The following RASGRF2 variants were observed in gnomAD, a reference collection of about 807,000 sequenced individuals.
The protein encoded by RASGRF2 is ras-specific guanine nucleotide-releasing factor 2.
RASGRF2 carries 76 observed loss-of-function variants against 151.0 expected under a neutral mutation model. The observed-to-expected ratio is 0.50, with a 90% CI of 0.42 to 0.61. The LOEUF is 0.61. Among genes scored for constraint, RASGRF2 ranks in the 20% least tolerant of loss-of-function variants. The pLI is 0.00. For synonymous variants in RASGRF2, 504 were observed against 566.5 expected, an observed-to-expected ratio of 0.89 and a Z score of 1.57; for missense variants, 1,148 against 1,564.6, an observed-to-expected ratio of 0.73 and a Z score of 4.49.
At chr5:81,154,341 C>T (rs866056288) in intron 17 of RASGRF2, among the ~76,000 whole-genome samples, 3 of 152,076 alleles carry the variant, frequency 2.0e-5, no homozygotes, top group African/African-American at 7.2e-5. Context: ...ATCTTGAACT[C>T]CTGGGCTCAA....
At chr5:81,001,362 A>G (rs570858) in intron 1 of RASGRF2, among the ~76,000 whole-genome samples, 129,534 of 152,094 alleles carry the variant, frequency 0.85, 55,538 homozygotes, top group Middle Eastern at 0.93. Context: ...TTGAGTTCAC[A>G]ACAGGCCTGT....
intron 5 of RASGRF2, among the ~76,000 whole-genome samples, chr5:81,074,486 A>G (rs1751878456): frequency 6.6e-6 from 1 of 152,162 alleles, no homozygotes; most frequent in Non-Finnish European, 1.5e-5. Context: ...GATTCCCCCC[A>G]CTTTCTATAC....
intron 10 of RASGRF2, 73 bp from the exon 11 acceptor site, chr5:81,094,223 G>A: frequency 8.3e-7 from 1 of 1,211,236 alleles, no homozygotes. Flanking sequence ...CTTGAATATA[G>A]TGTTTACAAA....
At chr5:81,017,243 C>T (rs1749668489) in intron 1 of RASGRF2, among the ~76,000 whole-genome samples, 1 of 152,300 alleles carries the variant, frequency 6.6e-6, no homozygotes, top group South Asian at 2.1e-4. Context: ...CTTTTCAAGG[C>T]ATGTTGATGT....
chr5:81,144,702 A>G (rs1753964189), intron 17 of RASGRF2, among the ~76,000 whole-genome samples: 1 of 152,212 alleles, frequency 6.6e-6, no homozygotes, highest in Non-Finnish European at 1.5e-5. Flanking sequence ...GGCATACAAT[A>G]TACTGAGCAA....
chr5:81,024,248 A>ATTTT (rs1749931192), intron 1 of RASGRF2, among the ~76,000 whole-genome samples: 1 of 95,928 alleles, frequency 1.0e-5, no homozygotes, highest in African/African-American at 4.7e-5. Context: ...GTATTCATAT[A>ATTTT]ATTTTTTTTT....
intron 18 of RASGRF2, 85 bp downstream of exon 18, chr5:81,180,366 T>G (rs79201932): frequency 0.065 from 52,406 of 811,310 alleles, 1,949 homozygotes; most frequent in African/African-American, 0.11. Context: ...AACACCTCCC[T>G]ACTCTTTGGA....
intron 1 of RASGRF2, among the ~76,000 whole-genome samples, chr5:80,980,906 C>T (rs1748277847): frequency 6.6e-6 from 1 of 151,980 alleles, no homozygotes; most frequent in Non-Finnish European, 1.5e-5. Flanking sequence ...AAATGGGATT[C>T]TTCCAGAGCC....
chr5:81,051,909 A>G (rs1751023164), intron 2 of RASGRF2, among the ~76,000 whole-genome samples: 1 of 152,232 alleles, frequency 6.6e-6, no homozygotes, highest in South Asian at 2.1e-4. Flanking sequence ...TGTTTTCTAC[A>G]GTGGCTGCAC....
intron 18 of RASGRF2, among the ~76,000 whole-genome samples, chr5:81,192,176 G>T (rs1421854922): frequency 6.6e-6 from 1 of 152,176 alleles, no homozygotes; most frequent in East Asian, 1.9e-4. Flanking sequence ...CAGATTTGGG[G>T]TTTAATTGTC....
chr5:80,960,403 C>T lies in RASGRF2; in HGVS notation c.-336C>T, dbSNP rs1747503509. Among the ~76,000 whole-genome samples the T allele has an allele frequency of 1.3e-5, 2 of 151,116 alleles. No individual in the cohort carries two copies. The highest frequency in any genetic ancestry group is 6.8e-3 in the Middle Eastern group (2 of 292). On this transcript the variant is annotated 5_prime_UTR_variant, in exon 1 of 27. Coordinates refer to ENST00000265080, the MANE Select transcript of RASGRF2 (RefSeq NM_006909.3). This position sits in a 1 kb window ranked among gnomAD's most constrained non-coding sequence, Gnocchi z 5.5. ...GCCGCCCCAGCCCGCCGCGGGGGCT[C>T]GGCTCCCGCAACTTTGGGCGAAGCG...
chr5:80,974,752 G>A (rs1221929879), intron 1 of RASGRF2, among the ~76,000 whole-genome samples: 6 of 152,160 alleles, frequency 3.9e-5, no homozygotes, highest in African/African-American at 1.4e-4. Context: ...TTTATGAATC[G>A]GTTTTGACAA....
intron 1 of RASGRF2, among the ~76,000 whole-genome samples, chr5:81,007,488 G>A (rs978801203): frequency 7.2e-5 from 11 of 152,032 alleles, no homozygotes; most frequent in African/African-American, 2.7e-4. Flanking sequence ...CTCCACACTG[G>A]CACCAAGTGT....
chr5:81,113,696 C>T lies in RASGRF2; in HGVS notation c.2246C>T (p.Ser749Phe), dbSNP rs772894520. Residue 749 changes from serine to phenylalanine, a missense_variant, in exon 15 of 27, where the codon TCT becomes TTT. Around this residue, in one of 5 missense-constraint regions of RASGRF2, gnomAD observed 646 missense variants for 807.4 expected, o/e 0.80. Transcript: ENST00000265080. ...AGGGCCAGAAAGCTGTCTTTGACTT[C>T]TCCCTTGAACTCAAAGATAGGAGCA... ...PVRARKLSLT[S>F]PLNSKIGALD... 1 of 1,613,546 alleles carries T rather than the reference C, an allele frequency of 6.2e-7. No individual in the cohort carries two copies. Among genetic ancestry groups the T allele is most frequent in the Non-Finnish European group, 8.5e-7 (1 of 1,179,462 alleles).
intron 1 of RASGRF2, among the ~76,000 whole-genome samples, chr5:81,010,890 T>A (rs1488948271): frequency 6.6e-6 from 1 of 152,244 alleles, no homozygotes; most frequent in African/African-American, 2.4e-5. Flanking sequence ...AGTAACTCAT[T>A]GTATATTTTT....
intron 17 of RASGRF2, among the ~76,000 whole-genome samples, chr5:81,156,148 A>G (rs964756202): frequency 1.3e-5 from 2 of 152,184 alleles, no homozygotes; most frequent in African/African-American, 4.8e-5. Flanking sequence ...GAAGAAAAAA[A>G]AAATCTGAAC....
At chr5:80,979,023 T>C (rs534481907) in intron 1 of RASGRF2, among the ~76,000 whole-genome samples, 2 of 152,334 alleles carry the variant, frequency 1.3e-5, no homozygotes, top group East Asian at 3.9e-4. Context: ...GTTTTGCTAT[T>C]GTGATTCTGT....
At chr5:81,050,590 C>T (rs1750980344) in intron 2 of RASGRF2, among the ~76,000 whole-genome samples, 1 of 152,090 alleles carries the variant, frequency 6.6e-6, no homozygotes, top group African/African-American at 2.4e-5. Context: ...GCTGGAGCCA[C>T]CACATACAGG....
At chr5:81,041,924 C>A (rs965587396) in intron 1 of RASGRF2, among the ~76,000 whole-genome samples, 4 of 152,182 alleles carry the variant, frequency 2.6e-5, no homozygotes, top group Non-Finnish European at 5.9e-5. Context: ...GAATATCACA[C>A]AACAGGAATC....
Sources: allele counts gnomAD v4.1 joint callset (sites outside exome capture counted in the v4.1 genomes callset), GRCh38; gene constraint gnomAD v4.1.1; regional missense constraint gnomAD v4.1.1; non-coding constraint Gnocchi (gnomAD v3.1); transcripts MANE v1.5; gene names NCBI Gene and HGNC (gene_info 2026-07-23, HGNC 2026-07-21).